The following AKAP13 variants were observed in gnomAD, a reference collection of about 807,000 sequenced individuals.
AKAP13 encodes A-kinase anchor protein 13.
Under a neutral mutation model 264.5 loss-of-function variants are expected in AKAP13, and 80 were observed. The ratio of observed to expected loss-of-function variants is 0.30; its 90% CI spans 0.25 to 0.36. AKAP13 has a LOEUF of 0.36. AKAP13 is among the 10% of genes least tolerant of loss of function. The pLI, the probability that AKAP13 is intolerant of heterozygous loss-of-function variation, is 1.00. For synonymous variants in AKAP13, 1,380 were observed against 1,250.2 expected, an observed-to-expected ratio of 1.10 and a Z score of -2.19; for missense variants, 3,712 against 3,435.2, an observed-to-expected ratio of 1.08 and a Z score of -2.01.
chr15:85,669,919 T>G, intron 14 of AKAP13, 89 bp downstream of exon 14: 1 of 933,584 alleles, frequency 1.1e-6, no homozygotes, highest in Non-Finnish European at 1.6e-6. Flanking sequence ...CCCATAACAT[T>G]ACCTGCCAAA....
chr15:85,729,652 T>C (rs1266191282), intron 29 of AKAP13, among the ~76,000 whole-genome samples: 1 of 151,918 alleles, frequency 6.6e-6, no homozygotes, highest in African/African-American at 2.4e-5. Flanking sequence ...AGAAGACAGC[T>C]CAGGCCAGGT....
At chr15:85,380,852 C>T (rs1435540959) in intron 1 of AKAP13, 54 bp downstream of exon 1, 3 of 144,486 alleles carry the variant, frequency 2.1e-5, no homozygotes, top group African/African-American at 7.6e-5. Flanking sequence ...ATTTGTGGGT[C>T]GGGGCGCGGA....
chr15:85,382,285 T>C (rs1026722988), intron 1 of AKAP13: 5 of 152,248 alleles, frequency 3.3e-5, no homozygotes, highest in Admixed American at 3.3e-4. Context: ...TGATTTCTCG[T>C]GCTAAGTGAG....
chr15:85,688,690 A>G (rs1249367181), intron 16 of AKAP13, among the ~76,000 whole-genome samples: 1 of 152,166 alleles, frequency 6.6e-6, no homozygotes, highest in Non-Finnish European at 1.5e-5. Flanking sequence ...AGGGTAACAT[A>G]TTTTGTCTGG....
At chr15:85,400,293 G>T (rs1596048617) in intron 1 of AKAP13, among the ~76,000 whole-genome samples, 2 of 152,024 alleles carry the variant, frequency 1.3e-5, no homozygotes, top group Non-Finnish European at 2.9e-5. Flanking sequence ...GCCTATAGTT[G>T]TAGCTACCTG....
chr15:85,689,187 A>G (rs182746065), intron 16 of AKAP13, among the ~76,000 whole-genome samples: 70 of 152,362 alleles, frequency 4.6e-4, no homozygotes, highest in Non-Finnish European at 8.7e-4. Flanking sequence ...CAAGTATACT[A>G]CATGACTTTG....
rs2085393955 is a variant in AKAP13 at position 85,693,375 on chromosome 15, C to T, written c.5388C>T (p.Ser1796=). ...KKTVNGHTFS[S]IPVVGPISCS... ...CTGTCAACGGGCACACTTTCAGTTC[C>T]ATTCCTGTTGTGGGTCCCATCAGCT... The change falls in exon 17 of 37, where the codon TCC becomes TCT. Residue 1796 remains serine (S), a synonymous_variant. Transcript: ENST00000394518. 5.0e-6 allele frequency: 8 copies of T among 1,613,914 alleles called. No homozygotes were observed. The highest frequency in any genetic ancestry group is 6.8e-6 in the Non-Finnish European group (8 of 1,179,934).
intron 5 of AKAP13, among the ~76,000 whole-genome samples, chr15:85,546,712 G>A (rs1039227967): frequency 7.2e-5 from 11 of 151,792 alleles, no homozygotes; most frequent in Non-Finnish European, 1.0e-4. Flanking sequence ...GTTAAGAATC[G>A]CCACAATGTA....
intron 8 of AKAP13, among the ~76,000 whole-genome samples, chr15:85,589,177 C>G (rs1177295068): frequency 6.6e-6 from 1 of 152,138 alleles, no homozygotes; most frequent in Non-Finnish European, 1.5e-5. Context: ...TTTAACTCTT[C>G]ACATACTATA....
At chr15:85,455,785 A>G (rs188634185) in intron 1 of AKAP13, among the ~76,000 whole-genome samples, 49 of 152,306 alleles carry the variant, frequency 3.2e-4, no homozygotes, top group African/African-American at 1.1e-3. Flanking sequence ...ATAAAACTCA[A>G]TAGATTACAG....
At chr15:85,430,819 A>G (rs1480934744) in intron 1 of AKAP13, among the ~76,000 whole-genome samples, 1 of 152,216 alleles carries the variant, frequency 6.6e-6, no homozygotes, top group East Asian at 1.9e-4. Context: ...GTTGTTATCC[A>G]CATTTTGCAG....
intron 30 of AKAP13, among the ~76,000 whole-genome samples, chr15:85,734,247 C>T (rs2088271577): frequency 6.6e-6 from 1 of 152,162 alleles, no homozygotes; most frequent in Non-Finnish European, 1.5e-5. Context: ...ACCATCACTC[C>T]CTGTTCTTAA....
At chr15:85,605,923 TGATA>T (rs1377672905) in intron 8 of AKAP13, among the ~76,000 whole-genome samples, 3 of 152,124 alleles carry the variant, frequency 2.0e-5, no homozygotes, top group African/African-American at 4.8e-5. Context: ...GATAAATTTC[TGATA>T]GATCTCATGT....
rs1188274419 is a variant in AKAP13 at position 85,710,630 on chromosome 15, A to G, written c.5584A>G (p.Ile1862Val). 7 of 1,613,822 alleles carry G rather than the reference A, an allele frequency of 4.3e-6. No homozygotes were observed. The highest frequency in any genetic ancestry group is 1.3e-5 in the African/African-American group (1 of 74,944). ...TGACACATCATCACTGCCCACGGTC[A>G]TTATGAGAAACAAGCGTAAGTAGCT... Reference protein sequence around the residue: ...AHDTSSLPTVIMRNKPSQPKE... With the variant: ...AHDTSSLPTVVMRNKPSQPKE... The change falls in exon 19 of 37, where the codon ATT becomes GTT. Residue 1862 changes from isoleucine to valine, a missense_variant. Transcript: ENST00000394518.
chr15:85,722,928 C>A, intron 25 of AKAP13, 144 bp from the exon 26 acceptor site: 1 of 1,054,036 alleles, frequency 9.5e-7, no homozygotes, highest in Non-Finnish European at 1.3e-6. Context: ...GAAGGATAGG[C>A]ACATGATCTC....
intron 1 of AKAP13, among the ~76,000 whole-genome samples, chr15:85,429,148 C>G (rs926932696): frequency 3.3e-5 from 5 of 152,176 alleles, no homozygotes; most frequent in Non-Finnish European, 7.3e-5. Context: ...TTAGAATGGC[C>G]TAACTACTAC....
At chr15:85,482,917 G>T (rs991865573) in intron 1 of AKAP13, among the ~76,000 whole-genome samples, 1 of 152,184 alleles carries the variant, frequency 6.6e-6, no homozygotes, top group African/African-American at 2.4e-5. Context: ...TCAGCAGCCT[G>T]TGTTGCCAGC....
chr15:85,471,366 G>A (rs1231170776), intron 1 of AKAP13, among the ~76,000 whole-genome samples: 1 of 152,034 alleles, frequency 6.6e-6, no homozygotes, highest in Non-Finnish European at 1.5e-5. Context: ...GTGGTGGCAG[G>A]TGCCTGTAGT....
chr15:85,661,182 G>A (rs921022866), intron 12 of AKAP13, among the ~76,000 whole-genome samples: 3 of 152,014 alleles, frequency 2.0e-5, no homozygotes, highest in Non-Finnish European at 2.9e-5. Context: ...ACATTTCCAT[G>A]CAGTTTCCTT....
Sources: gnomAD v4.1 joint callset for allele counts (sites outside exome capture counted in the v4.1 genomes callset) on GRCh38, gnomAD v4.1.1 for gene constraint, MANE v1.5 for transcripts, NCBI Gene and HGNC (gene_info 2026-07-23, HGNC 2026-07-21) for gene names.